Variants in B3GALT1 observed in about 807,000 individuals in gnomAD.
B3GALT1 encodes UDP-Gal:betaGlcNAc beta 1,3-galactosyltransferase, polypeptide 1.
In B3GALT1, 10 loss-of-function variants were observed where a neutral mutation model predicts 23.2. The ratio of observed to expected loss-of-function variants is 0.43; its 90% CI spans 0.27 to 0.73. The LOEUF is 0.73. Among genes scored for constraint, B3GALT1 ranks in the 30% least tolerant of loss-of-function variants. The probability of loss-of-function intolerance (pLI) is 0.21; values close to 1 mark genes in which losing one functional copy is unlikely to be tolerated. For missense variants in B3GALT1, 299 were observed against 405.4 expected, an observed-to-expected ratio of 0.74 and a Z score of 2.25; for synonymous variants, 156 against 141.5, an observed-to-expected ratio of 1.10 and a Z score of -0.73.
At chr2:167,729,815 G>A (rs903859163) in intron 3 of B3GALT1, among the ~76,000 whole-genome samples, 2 of 152,146 alleles carry the variant, frequency 1.3e-5, no homozygotes, top group Admixed American at 6.5e-5. Context: ...AAGTGAAGTG[G>A]CCAAAATCCC....
chr2:167,513,214 A>G (rs956928397), intron 2 of B3GALT1, among the ~76,000 whole-genome samples: 2 of 152,066 alleles, frequency 1.3e-5, no homozygotes. Flanking sequence ...TACAAAGTAA[A>G]TAACCTCACT....
At chr2:167,575,283 G>A (rs1389717416) in intron 2 of B3GALT1, among the ~76,000 whole-genome samples, 1 of 151,898 alleles carries the variant, frequency 6.6e-6, no homozygotes, top group African/African-American at 2.4e-5. Flanking sequence ...CTGGGCTTAA[G>A]CCTGGATATG....
chr2:167,462,424 T>C (rs1256828868), intron 1 of B3GALT1, among the ~76,000 whole-genome samples: 1 of 152,182 alleles, frequency 6.6e-6, no homozygotes, highest in Non-Finnish European at 1.5e-5. Context: ...AAATGGCAAA[T>C]GTAATAAACG....
chr2:167,679,695 G>C (rs896242950), intron 3 of B3GALT1, among the ~76,000 whole-genome samples: 1 of 152,206 alleles, frequency 6.6e-6, no homozygotes, highest in Non-Finnish European at 1.5e-5. Flanking sequence ...CTGAATGACA[G>C]TGAGCAAAGT....
intron 1 of B3GALT1, among the ~76,000 whole-genome samples, chr2:167,486,803 C>A (rs1699632920): frequency 6.6e-6 from 1 of 151,608 alleles, no homozygotes; most frequent in African/African-American, 2.4e-5. Flanking sequence ...TCACACTGGC[C>A]AAAAGAAAGA....
intron 2 of B3GALT1, among the ~76,000 whole-genome samples, chr2:167,543,660 T>G (rs1305516197): frequency 6.6e-6 from 1 of 152,198 alleles, no homozygotes. Flanking sequence ...TTATTATCAT[T>G]CATAAAATAA....
chr2:167,323,705 T>C (rs1696846475), intron 1 of B3GALT1, among the ~76,000 whole-genome samples: 1 of 152,076 alleles, frequency 6.6e-6, no homozygotes, highest in Non-Finnish European at 1.5e-5. Context: ...ACTTATATTC[T>C]GTTTCCCATT....
chr2:167,349,387 A>G (rs1266675090), intron 1 of B3GALT1, among the ~76,000 whole-genome samples: 1 of 152,086 alleles, frequency 6.6e-6, no homozygotes, highest in Non-Finnish European at 1.5e-5. Flanking sequence ...CCTTTATTTT[A>G]CTTCATAATG....
At chr2:167,736,783 A>G (rs575167272) in intron 3 of B3GALT1, among the ~76,000 whole-genome samples, 1 of 152,174 alleles carries the variant, frequency 6.6e-6, no homozygotes, top group South Asian at 2.1e-4. Flanking sequence ...ACACATGAAA[A>G]AGTAGCCGGG....
chr2:167,483,182 A>G (rs1375841958), intron 1 of B3GALT1, among the ~76,000 whole-genome samples: 1 of 149,896 alleles, frequency 6.7e-6, no homozygotes, highest in Non-Finnish European at 1.5e-5. Context: ...AATCCCAGCT[A>G]CTCGGAAGGC....
At chr2:167,787,961 C>A (rs1193378602) in intron 3 of B3GALT1, among the ~76,000 whole-genome samples, 1 of 152,146 alleles carries the variant, frequency 6.6e-6, no homozygotes, top group Non-Finnish European at 1.5e-5. Context: ...AATGTTGATA[C>A]CAGATTACGG....
intron 3 of B3GALT1, among the ~76,000 whole-genome samples, chr2:167,782,477 C>T (rs1688263545): frequency 1.3e-5 from 2 of 152,166 alleles, no homozygotes; most frequent in African/African-American, 4.8e-5. Flanking sequence ...AGATGGGGCA[C>T]AACTCTTGAT....
At chr2:167,439,900 A>G (rs970826323) in intron 1 of B3GALT1, among the ~76,000 whole-genome samples, 4 of 151,352 alleles carry the variant, frequency 2.6e-5, no homozygotes, top group East Asian at 1.9e-4. Flanking sequence ...ATGAATCCCT[A>G]TGTAATAAAA....
chr2:167,459,849 A>G (rs1007857322), intron 1 of B3GALT1, among the ~76,000 whole-genome samples: 1 of 152,082 alleles, frequency 6.6e-6, no homozygotes, highest in Non-Finnish European at 1.5e-5. Context: ...TTTGAAAGAC[A>G]GTTTTGCTGA....
intron 4 of B3GALT1, among the ~76,000 whole-genome samples, chr2:167,836,081 A>G (rs954547535): frequency 6.6e-6 from 1 of 152,214 alleles, no homozygotes; most frequent in African/African-American, 2.4e-5. Flanking sequence ...AAAGATGGGG[A>G]AAAAACAGAG....
At chr2:167,606,898 T>A (rs77882238) in intron 2 of B3GALT1, among the ~76,000 whole-genome samples, 2,296 of 152,286 alleles carry the variant, frequency 0.015, 25 homozygotes, top group Middle Eastern at 0.024. Context: ...ATGTAGAATC[T>A]TTTACCGTAA....
chr2:167,353,189 C>A (rs887892778), intron 1 of B3GALT1, among the ~76,000 whole-genome samples: 1 of 152,120 alleles, frequency 6.6e-6, no homozygotes, highest in South Asian at 2.1e-4. Flanking sequence ...TATTTCCTGT[C>A]TCAACTGGAA....
At chr2:167,567,206 G>T (rs1160461629) in intron 2 of B3GALT1, among the ~76,000 whole-genome samples, 1 of 152,084 alleles carries the variant, frequency 6.6e-6, no homozygotes, top group Non-Finnish European at 1.5e-5. Context: ...AGTGACTGGT[G>T]ATTAGAAAAC....
chr2:167,295,868 C>G (rs912170045), intron 1 of B3GALT1, among the ~76,000 whole-genome samples: 6 of 151,418 alleles, frequency 4.0e-5, no homozygotes, highest in Non-Finnish European at 8.8e-5. Context: ...CAAATATAAT[C>G]AAGTACAGAG....
Sources: allele counts gnomAD v4.1 joint callset (sites outside exome capture counted in the v4.1 genomes callset), GRCh38; gene constraint gnomAD v4.1.1; transcripts MANE v1.5; gene names NCBI Gene and HGNC (gene_info 2026-07-23, HGNC 2026-07-21).